ASPG: variants seen among roughly 807,000 people sequenced by gnomAD.
ASPG encodes asparaginase.
In ASPG, 53 loss-of-function variants were observed where a neutral mutation model predicts 63.2. The ratio of observed to expected loss-of-function variants is 0.84; its 90% CI spans 0.67 to 1.05. The LOEUF is 1.05. Ranked by LOEUF, ASPG falls within the 50% of genes least tolerant of loss-of-function variation. The pLI, the probability that ASPG is intolerant of heterozygous loss-of-function variation, is 0.00. For synonymous variants in ASPG, 370 were observed against 355.0 expected, an observed-to-expected ratio of 1.04 and a Z score of -0.48; for missense variants, 741 against 794.4, an observed-to-expected ratio of 0.93 and a Z score of 0.81.
At chr14:104,103,250 G>C (rs971181079) in intron 6 of ASPG, among the ~76,000 whole-genome samples, 3 of 152,228 alleles carry the variant, frequency 2.0e-5, no homozygotes, top group Non-Finnish European at 2.9e-5. Context: ...CCCTCGCCTG[G>C]CCAGCGGAGT....
Position 104,115,380 on chromosome 14 carries a change from C to G in ASPG, c.*2836C>G, listed in dbSNP as rs2037446388. ...GGGCGAGGGGAGCCCATCCAAGTGG[C>G]TGTGCGTCGGGAAGAGTCTGCCCAG... is the stretch of plus-strand genomic sequence containing the variant. On this transcript the variant is annotated 3_prime_UTR_variant, in exon 16 of 16. Transcript: ENST00000551177. 6.6e-6 allele frequency: 1 copy of G among 152,212 alleles called. No individual in the cohort carries two copies. 9.4% of individuals were successfully genotyped at this position (152,212 alleles called of 1,614,324 possible).
chr14:104,107,691 G>A (rs930664938), intron 12 of ASPG, among the ~76,000 whole-genome samples: 7 of 152,304 alleles, frequency 4.6e-5, no homozygotes, highest in African/African-American at 1.4e-4. Context: ...CAGGCAACTC[G>A]GGCCCTGGAG....
chr14:104,112,889 G>A lies in ASPG; in HGVS notation c.*345G>A. On this transcript the variant is annotated 3_prime_UTR_variant, in exon 16 of 16. Transcript: ENST00000551177. Reference sequence around the variant, plus strand: ...GTGCATGGACGTGACTTGGCCAAGTGGTCCTTTCCCAGCTGCCACTCCCCC... The same window carrying A: ...GTGCATGGACGTGACTTGGCCAAGTAGTCCTTTCCCAGCTGCCACTCCCCC... 1 of 353,856 alleles carries A rather than the reference G, an allele frequency of 2.8e-6. No individual in the cohort carries two copies. The highest frequency in any genetic ancestry group is 4.0e-5 in the Admixed American group (1 of 24,704). The allele number at this position is 353,856 out of a possible 1,614,324, so 21.9% of individuals were successfully genotyped here. A position where few individuals can be genotyped will look rare whatever the true frequency, so the allele number is the denominator to read the frequency against.
chr14:104,108,939 CTGGGTGCTGGG>C (rs2037266490), intron 12 of ASPG: 1 of 985,352 alleles, frequency 1.0e-6, no homozygotes, highest in Non-Finnish European at 1.2e-6. Flanking sequence ...ATGCCCTCCC[CTGGGTGCTGGG>C]TGCGGGGCTG....
At chr14:104,095,053 C>T (rs1056458510) in intron 3 of ASPG, among the ~76,000 whole-genome samples, 3 of 152,206 alleles carry the variant, frequency 2.0e-5, no homozygotes, top group Non-Finnish European at 2.9e-5. Context: ...GTGTCCTGCC[C>T]GGCCGCCCAG....
intron 1 of ASPG, 68 bp downstream of exon 1, chr14:104,085,920 T>G: frequency 2.1e-6 from 3 of 1,433,406 alleles, no homozygotes; most frequent in Non-Finnish European, 1.9e-6. Context: ...CGGACCCTCC[T>G]GCACCCACGG....
rs964693241 is a variant in ASPG at position 104,099,031 on chromosome 14, G to A, written c.640+52G>A. Reference sequence around the variant, plus strand: ...TGCCTGCCCAGTGCTGGTGCTGGGCGAGGGGCTGCTGCAGGGAGCTCGTGG... The same window carrying A: ...TGCCTGCCCAGTGCTGGTGCTGGGCAAGGGGCTGCTGCAGGGAGCTCGTGG... On this transcript the variant is annotated intron_variant, in intron 6 of 15. Coordinates refer to ENST00000551177, the MANE Select transcript of ASPG (RefSeq NM_001080464.3). 21 of 1,533,516 alleles carry A rather than the reference G, an allele frequency of 1.4e-5. No individual in the cohort carries two copies. In the African/African-American group the frequency reaches 1.5e-4, roughly 11 times the overall value. 95.0% of individuals were successfully genotyped at this position (1,533,516 alleles called of 1,614,324 possible).
chr14:104,092,257 T>C (rs1401236290), intron 1 of ASPG, among the ~76,000 whole-genome samples: 2 of 152,104 alleles, frequency 1.3e-5, no homozygotes, highest in Admixed American at 6.5e-5. Context: ...GCCCACAGTA[T>C]ATCCACAGTG....
rs894361874 is a variant in ASPG, at chr14:104,110,567, C to A, written c.1521-935C>A. The stretch of plus-strand genomic sequence containing the variant: ...CCCCTCGGCTAGGCCTTCCTAGGGG[C>A]CGGTGTGTGTGTGGGGCTTGGCCTC... On this transcript the variant is annotated intron_variant, in intron 13 of 15. Transcript: ENST00000551177. The surrounding 1 kb of genome is among the most constrained non-coding windows in gnomAD (Gnocchi z 4.7). 4 of 985,120 alleles carry A rather than the reference C, an allele frequency of 4.1e-6. No homozygotes were observed. Among genetic ancestry groups the A allele is most frequent in the Admixed American group, 6.1e-5 (1 of 16,262 alleles). The allele number at this position is 985,120 out of a possible 1,614,324, so 61.0% of individuals were successfully genotyped here. A position where few individuals can be genotyped will look rare whatever the true frequency, so the allele number is the denominator to read the frequency against.
intron 6 of ASPG, among the ~76,000 whole-genome samples, chr14:104,099,632 C>A (rs1210209299): frequency 6.6e-6 from 1 of 152,244 alleles, no homozygotes; most frequent in Non-Finnish European, 1.5e-5. Context: ...GCTTCCTGGA[C>A]TCTACCCGGC....
intron 4 of ASPG, among the ~76,000 whole-genome samples, chr14:104,096,829 G>A (rs1366203338): frequency 6.6e-6 from 1 of 152,180 alleles, no homozygotes; most frequent in Non-Finnish European, 1.5e-5. Flanking sequence ...ACCCAGGACT[G>A]CCACCCCCTG....
rs1231783920 is a variant in ASPG, at chr14:104,109,765, C to G, written c.1520+450C>G. On this transcript the variant is annotated intron_variant, in intron 13 of 15. Coordinates refer to ENST00000551177, the MANE Select transcript of ASPG (RefSeq NM_001080464.3). This position sits in a 1 kb window ranked among gnomAD's most constrained non-coding sequence, Gnocchi z 4.8. ...TGGCAGGTGACAGGTCTCGTGAGCT[C>G]TGTTCTCCCCAGCGTGGTTCCTGTC... Among the ~76,000 whole-genome samples, 1 of 151,934 alleles carries G rather than the reference C, an allele frequency of 6.6e-6. No individual in the cohort carries two copies. The highest frequency in any genetic ancestry group is 1.5e-5 in the Non-Finnish European group (1 of 67,986).
chr14:104,106,881 C>G lies in ASPG; in HGVS notation c.1256C>G (p.Ala419Gly). ...AHAGDVEALQ[A>G]LVELGSDLGL... ...GCCGGTGACGTGGAGGCGCTGCAGGCGCTTGTGGAGCTGGTGAGCCTCCCC... is the reference window on the plus strand; with the variant it reads ...GCCGGTGACGTGGAGGCGCTGCAGGGGCTTGTGGAGCTGGTGAGCCTCCCC... The change falls in exon 11 of 16, where the codon GCG (alanine) becomes GGG (glycine). Residue 419 changes from alanine to glycine, a missense_variant. Physicochemically the swap from Ala to Gly is moderately conservative, Grantham distance 60. Coordinates refer to ENST00000551177, the MANE Select transcript of ASPG (RefSeq NM_001080464.3). 1 of 1,581,200 alleles carries G rather than the reference C, an allele frequency of 6.3e-7. No homozygotes were observed. The highest frequency in any genetic ancestry group is 8.6e-7 in the Non-Finnish European group (1 of 1,166,676).
At chr14:104,103,011 C>T (rs916261894) in intron 6 of ASPG, among the ~76,000 whole-genome samples, 8 of 152,202 alleles carry the variant, frequency 5.3e-5, no homozygotes, top group African/African-American at 1.7e-4. Context: ...TCCATTTGTT[C>T]GCTCATTCAA....
At chr14:104,105,586 G>T in intron 10 of ASPG, 136 bp downstream of exon 10, 1 of 1,244,856 alleles carries the variant, frequency 8.0e-7, no homozygotes. Context: ...CCGGGTTCTG[G>T]GGCCCAGGAG....
chr14:104,088,139 G>A lies in ASPG; in HGVS notation c.82+2287G>A, dbSNP rs930469292. On this transcript the variant is annotated intron_variant, in intron 1 of 15. Coordinates refer to ENST00000551177, the MANE Select transcript of ASPG (RefSeq NM_001080464.3). ...AGCAGCCAGACTGTCAGGCGTCAAT[G>A]ATTTACTCCCTCCACACTGCTGACG... Among the ~76,000 whole-genome samples the A allele has an allele frequency of 2.0e-5, 3 of 152,328 alleles. No homozygotes were observed. In the South Asian group the frequency reaches 6.2e-4, roughly 32 times the overall value.
chr14:104,097,059 C>G (rs1596077730), intron 4 of ASPG, among the ~76,000 whole-genome samples: 4 of 151,994 alleles, frequency 2.6e-5, no homozygotes, highest in Admixed American at 6.5e-5. Flanking sequence ...CCACCCCTCA[C>G]CCCCACCACC....
In ASPG at chr14:104,110,911, G is replaced by C. The variant is rs1204852416; in HGVS notation, c.1521-591G>C. The stretch of plus-strand genomic sequence containing the variant: ...GGCAGGTGCTCCCCACTCCAGGGCA[G>C]GTGGGCCCAGACCCCTGTCCCAGCC... On this transcript the variant is annotated intron_variant, in intron 13 of 15. Transcript: ENST00000551177. The surrounding 1 kb of genome is among the most constrained non-coding windows in gnomAD (Gnocchi z 4.7). 2 of 985,400 alleles carry C rather than the reference G, an allele frequency of 2.0e-6. No homozygotes were observed. Among genetic ancestry groups the C allele is most frequent in the Non-Finnish European group, 2.4e-6 (2 of 829,904 alleles). The allele number at this position is 985,400 out of a possible 1,614,324, so 61.0% of individuals were successfully genotyped here. A position where few individuals can be genotyped will look rare whatever the true frequency, so the allele number is the denominator to read the frequency against.
At chr14:104,088,912 G>A (rs753102064) in intron 1 of ASPG, among the ~76,000 whole-genome samples, 3 of 152,210 alleles carry the variant, frequency 2.0e-5, no homozygotes, top group Non-Finnish European at 4.4e-5. Flanking sequence ...CAGGGCTGGA[G>A]GGTTCAGATT....
Sources: allele counts gnomAD v4.1 joint callset (sites outside exome capture counted in the v4.1 genomes callset), GRCh38; gene constraint gnomAD v4.1.1; non-coding constraint Gnocchi (gnomAD v3.1); transcripts MANE v1.5; gene names NCBI Gene and HGNC (gene_info 2026-07-23, HGNC 2026-07-21).